PRSS3: variants seen among roughly 807,000 people sequenced by gnomAD.
PRSS3 encodes serine protease 3.
PRSS3 carries 14 observed loss-of-function variants against 20.8 expected under a neutral mutation model. The observed-to-expected ratio is 0.67, with a 90% CI of 0.44 to 1.05. The LOEUF is 1.05. PRSS3 is among the 50% of genes least tolerant of loss of function. The probability of loss-of-function intolerance (pLI) is 0.00; values close to 1 mark genes in which losing one functional copy is unlikely to be tolerated. For missense variants in PRSS3, 237 were observed against 306.4 expected, an observed-to-expected ratio of 0.77 and a Z score of 1.69; for synonymous variants, 91 against 117.6, an observed-to-expected ratio of 0.77 and a Z score of 1.46.
At chr9:33,767,532 G>C (rs1455991218) in intron 1 of PRSS3, among the ~76,000 whole-genome samples, 1 of 150,658 alleles carries the variant, frequency 6.6e-6, no homozygotes, top group African/African-American at 2.5e-5. Flanking sequence ...TCCTTTAAGA[G>C]GAACTTTAGG....
At chr9:33,787,856 C>G (rs1004553590) in intron 1 of PRSS3, among the ~76,000 whole-genome samples, 1 of 152,186 alleles carries the variant, frequency 6.6e-6, no homozygotes, top group African/African-American at 2.4e-5. Context: ...AAAGAATGCT[C>G]TCACACACAA....
chr9:33,754,808 GACA>G (rs1243159618), intron 1 of PRSS3, among the ~76,000 whole-genome samples: 1 of 152,074 alleles, frequency 6.6e-6, no homozygotes, highest in Non-Finnish European at 1.5e-5. Flanking sequence ...CTCCAGCCTG[GACA>G]ACAAGAGCAA....
upstream of PRSS3, among the ~76,000 whole-genome samples, chr9:33,791,963 C>T (rs1377794076): frequency 6.6e-6 from 1 of 152,064 alleles, no homozygotes; most frequent in Admixed American, 6.6e-5. Context: ...GGGCAGGAGG[C>T]AGGCAGGGAG....
intron 1 of PRSS3, among the ~76,000 whole-genome samples, chr9:33,753,810 C>T (rs370037580): frequency 3.3e-5 from 5 of 152,304 alleles, no homozygotes; most frequent in East Asian, 3.9e-4. Flanking sequence ...CCTACTACAA[C>T]GGCTTAAACA....
At chr9:33,786,081 T>G in intron 1 of PRSS3, 1 of 281,840 alleles carries the variant, frequency 3.5e-6, no homozygotes, top group Non-Finnish European at 6.6e-6. Flanking sequence ...GGAAGACTGG[T>G]TTTTGCATAT....
In PRSS3 at chr9:33,798,917, A is replaced by G. The variant is rs1825179379; in HGVS notation, c.592-111A>G. Reference sequence around the variant, plus strand: ...CAGAGAATGGGCCACCGTGGGAAGGACGTGGAGCCACAGAGCTGGCTGGAA... The same window carrying G: ...CAGAGAATGGGCCACCGTGGGAAGGGCGTGGAGCCACAGAGCTGGCTGGAA... On this transcript the variant is annotated intron_variant, in intron 4 of 4. Coordinates refer to ENST00000379405, the MANE Select transcript of PRSS3 (RefSeq NM_002771.4). The G allele has an allele frequency of 2.2e-6, 3 of 1,392,886 alleles. No individual in the cohort carries two copies. The East Asian group carries it at 6.8e-5, about 32-fold the overall frequency. 86.3% of individuals were successfully genotyped at this position (1,392,886 alleles called of 1,614,324 possible). A position where few individuals can be genotyped will look rare whatever the true frequency, so the allele number is the denominator to read the frequency against.
chr9:33,795,820 A>T (rs368918836), intron 1 of PRSS3, among the ~76,000 whole-genome samples: 1 of 152,216 alleles, frequency 6.6e-6, no homozygotes, highest in East Asian at 1.9e-4. Flanking sequence ...ACTGTCATTC[A>T]TCCATATCCG....
chr9:33,796,562 T>A, intron 1 of PRSS3, 81 bp from the exon 2 acceptor site: 4 of 1,568,158 alleles, frequency 2.6e-6, no homozygotes, highest in Non-Finnish European at 3.5e-6. Context: ...GATTTCTAAT[T>A]GGCAGGAAGC....
upstream of PRSS3, among the ~76,000 whole-genome samples, chr9:33,792,904 CAAAG>C (rs1824698967): frequency 6.6e-6 from 1 of 152,194 alleles, no homozygotes; most frequent in Non-Finnish European, 1.5e-5. Context: ...GAGAAGAAGA[CAAAG>C]AAATCTCTAG....
chr9:33,787,989 G>A (rs1436650796), intron 1 of PRSS3, among the ~76,000 whole-genome samples: 1 of 152,194 alleles, frequency 6.6e-6, no homozygotes, highest in African/African-American at 2.4e-5. Context: ...AATCTTGTCT[G>A]TGCCTTCCCT....
At chr9:33,789,616 G>A (rs1217274354) in intron 1 of PRSS3, among the ~76,000 whole-genome samples, 2 of 152,056 alleles carry the variant, frequency 1.3e-5, no homozygotes, top group Non-Finnish European at 2.9e-5. Flanking sequence ...GTTTCCACGT[G>A]TACTAATTCT....
chr9:33,759,591 C>T (rs1823092300), intron 1 of PRSS3, among the ~76,000 whole-genome samples: 1 of 152,016 alleles, frequency 6.6e-6, no homozygotes, highest in Non-Finnish European at 1.5e-5. Flanking sequence ...AGAAGAGAAG[C>T]CGATTTGGTG....
chr9:33,798,812 G>A (rs943300629), intron 4 of PRSS3, 190 bp downstream of exon 4: 330 of 1,093,066 alleles, frequency 3.0e-4, no homozygotes, highest in Non-Finnish European at 3.9e-4. Context: ...AGGTGGCGGG[G>A]CTGAGGAGGC....
intron 1 of PRSS3, among the ~76,000 whole-genome samples, chr9:33,771,041 G>A (rs185814020): frequency 1.1e-4 from 16 of 152,272 alleles, no homozygotes; most frequent in Non-Finnish European, 2.1e-4. Flanking sequence ...ACCCTGCAAT[G>A]CACAGGACAG....
intron 1 of PRSS3, among the ~76,000 whole-genome samples, chr9:33,788,507 C>T (rs909926589): frequency 6.6e-6 from 1 of 152,228 alleles, no homozygotes; most frequent in Non-Finnish European, 1.5e-5. Context: ...TTCAAGAGCA[C>T]ATCTGAGTCT....
intron 1 of PRSS3, among the ~76,000 whole-genome samples, chr9:33,779,882 A>C (rs1587386646): frequency 2.0e-5 from 3 of 150,010 alleles, no homozygotes; most frequent in Non-Finnish European, 4.5e-5. Flanking sequence ...AAAAAAAAAA[A>C]AAAAAAAAAA....
chr9:33,754,532 C>T (rs865867665), intron 1 of PRSS3, among the ~76,000 whole-genome samples: 37 of 151,968 alleles, frequency 2.4e-4, no homozygotes, highest in Admixed American at 2.6e-4. Flanking sequence ...GCCAATACAT[C>T]AAAGTAAGAA....
chr9:33,773,437 C>T (rs1823788845), intron 1 of PRSS3, among the ~76,000 whole-genome samples: 1 of 152,182 alleles, frequency 6.6e-6, no homozygotes. Flanking sequence ...GGTCTTCACA[C>T]ATCCCTAGCT....
At chr9:33,791,154 A>G (rs115791709), upstream of PRSS3, among the ~76,000 whole-genome samples, 1,254 of 152,352 alleles carry the variant, frequency 8.2e-3, 14 homozygotes, top group African/African-American at 0.028. Flanking sequence ...TTTGAATAGA[A>G]AGGTACACAT....
Sources: gnomAD v4.1 joint callset for allele counts (sites outside exome capture counted in the v4.1 genomes callset) on GRCh38, gnomAD v4.1.1 for gene constraint, MANE v1.5 for transcripts, NCBI Gene and HGNC (gene_info 2026-07-23, HGNC 2026-07-21) for gene names.